FRAS1: variants seen among roughly 807,000 people sequenced by gnomAD.
FRAS1 encodes the protein extracellular matrix organizing protein FRAS1.
Under a neutral mutation model 435.2 loss-of-function variants are expected in FRAS1, and 290 were observed. That is an observed-to-expected ratio of 0.67 (90% CI 0.61 to 0.73). FRAS1 has a LOEUF of 0.73. Among genes scored for constraint, FRAS1 ranks in the 30% least tolerant of loss-of-function variants. The pLI, the probability that FRAS1 is intolerant of heterozygous loss-of-function variation, is 0.00. For synonymous variants in FRAS1, 1,800 were observed against 1,851.0 expected, an observed-to-expected ratio of 0.97 and a Z score of 0.71; for missense variants, 4,860 against 5,001.5, an observed-to-expected ratio of 0.97 and a Z score of 0.85.
At chr4:78,449,467 A>G (rs1291414447) in intron 44 of FRAS1, among the ~76,000 whole-genome samples, 1 of 152,160 alleles carries the variant, frequency 6.6e-6, no homozygotes, top group African/African-American at 2.4e-5. Flanking sequence ...CACTCCAAAC[A>G]CCAGGATGTA....
At chr4:78,196,810 G>A (rs1042063126) in intron 2 of FRAS1, among the ~76,000 whole-genome samples, 11 of 152,112 alleles carry the variant, frequency 7.2e-5, no homozygotes, top group South Asian at 4.1e-4. Flanking sequence ...CTTGAGAAAC[G>A]CCAACTTCAA....
chr4:78,291,152 A>G (rs1297290182), intron 14 of FRAS1, among the ~76,000 whole-genome samples: 1 of 152,232 alleles, frequency 6.6e-6, no homozygotes, highest in Non-Finnish European at 1.5e-5. Flanking sequence ...AAACAGGGAC[A>G]TAATATCTGC....
At chr4:78,447,578 A>G (rs1718892276) in intron 43 of FRAS1, among the ~76,000 whole-genome samples, 1 of 152,188 alleles carries the variant, frequency 6.6e-6, no homozygotes, top group Admixed American at 6.5e-5. Flanking sequence ...ACTGCGGTAC[A>G]TGACCCTTGA....
At chr4:78,498,142 G>A (rs2109872649) in intron 60 of FRAS1, among the ~76,000 whole-genome samples, 1 of 152,316 alleles carries the variant, frequency 6.6e-6, no homozygotes, top group African/African-American at 2.4e-5. Flanking sequence ...CCTAATGTAG[G>A]TGATGGGTCG....
intron 6 of FRAS1, among the ~76,000 whole-genome samples, chr4:78,261,174 T>C (rs1726082475): frequency 6.6e-6 from 1 of 152,150 alleles, no homozygotes; most frequent in Non-Finnish European, 1.5e-5. Flanking sequence ...TTGATAATTT[T>C]GCTTTAATTA....
chr4:78,178,529 A>G (rs1250376502), intron 2 of FRAS1, among the ~76,000 whole-genome samples: 1 of 152,244 alleles, frequency 6.6e-6, no homozygotes, highest in Non-Finnish European at 1.5e-5. Flanking sequence ...CATCAACATA[A>G]AAATTCCCCT....
chr4:78,412,856 G>A (rs530470614), intron 31 of FRAS1, 113 bp from the exon 32 acceptor site: 8 of 492,472 alleles, frequency 1.6e-5, no homozygotes, highest in Non-Finnish European at 2.9e-5. Context: ...GAGTTGTAAC[G>A]CAGGAGCATA....
intron 2 of FRAS1, among the ~76,000 whole-genome samples, chr4:78,172,244 C>CGATA (rs1721591059): frequency 6.6e-6 from 1 of 152,020 alleles, no homozygotes; most frequent in African/African-American, 2.4e-5. Context: ...AGTGCACCAA[C>CGATA]GATAGTGAAA....
intron 2 of FRAS1, among the ~76,000 whole-genome samples, chr4:78,114,088 T>C (rs10023940): frequency 0.3 from 46,196 of 151,866 alleles, 7,762 homozygotes; most frequent in African/African-American, 0.44. Context: ...AATAGGGAAT[T>C]CTTTCCCCAT....
At chr4:78,455,055 G>T (rs778294185) in intron 47 of FRAS1, among the ~76,000 whole-genome samples, 8 of 152,016 alleles carry the variant, frequency 5.3e-5, no homozygotes, top group Non-Finnish European at 1.0e-4. Flanking sequence ...TTCTCAATCT[G>T]CCTGCTTCCA....
In FRAS1 at chr4:78,446,962, C is replaced by T. The variant is rs74528465; in HGVS notation, c.6010+82C>T. 5.1e-3 allele frequency: 6,799 copies of T among 1,324,360 alleles called. 271 individuals carry two copies. In the African/African-American group the frequency reaches 0.087, roughly 17 times the overall value. 82.0% of individuals were successfully genotyped at this position (1,324,360 alleles called of 1,614,324 possible). The stretch of plus-strand genomic sequence containing the variant: ...GAATAAACACAAATATTTCAGTTGA[C>T]TATTTCTTTTCTTGTATATGGTACA... On this transcript the variant is annotated intron_variant, in intron 43 of 73. Coordinates refer to ENST00000512123, the MANE Select transcript of FRAS1 (RefSeq NM_025074.7).
intron 64 of FRAS1, 99 bp downstream of exon 64, chr4:78,511,605 G>A (rs1469233548): frequency 4.2e-6 from 4 of 941,912 alleles, no homozygotes; most frequent in Non-Finnish European, 6.7e-6. Context: ...GCTTCTGCAT[G>A]ATAAAAATGT....
chr4:78,521,404 G>A (rs76957624), intron 67 of FRAS1, 119 bp from the exon 68 acceptor site: 96,646 of 632,870 alleles, frequency 0.15, 8,858 homozygotes, highest in Non-Finnish European at 0.2. Flanking sequence ...ATGTTATCTT[G>A]TTACATTCAA....
chr4:78,255,511 G>A (rs1449030800), intron 6 of FRAS1, 136 bp downstream of exon 6: 1 of 841,236 alleles, frequency 1.2e-6, no homozygotes, highest in African/African-American at 1.7e-5. Flanking sequence ...TCATACTTTT[G>A]GAGACCACCT....
intron 63 of FRAS1, 140 bp from the exon 64 acceptor site, chr4:78,511,134 T>TA: frequency 1.4e-6 from 1 of 714,184 alleles, no homozygotes; most frequent in Middle Eastern, 4.1e-4. Context: ...AGTCAATAAT[T>TA]ACGTGATGAA....
chr4:78,283,807 T>C (rs1727444025), intron 12 of FRAS1, among the ~76,000 whole-genome samples: 1 of 152,194 alleles, frequency 6.6e-6, no homozygotes, highest in African/African-American at 2.4e-5. Flanking sequence ...TTTAGCATAT[T>C]ATTATGCACT....
At chr4:78,422,073 C>T in intron 34 of FRAS1, 73 bp downstream of exon 34, 1 of 1,489,606 alleles carries the variant, frequency 6.7e-7, no homozygotes, top group Non-Finnish European at 9.0e-7. Flanking sequence ...CGCCCTAACT[C>T]TCCCTGCAGT....
At chr4:78,472,069 A>G in intron 51 of FRAS1, 111 bp from the exon 52 acceptor site, 5 of 1,105,096 alleles carry the variant, frequency 4.5e-6, no homozygotes, top group Non-Finnish European at 5.4e-6. Flanking sequence ...CTTTCCATGC[A>G]GTAAATACAC....
At chr4:78,127,201 G>A (rs556796010) in intron 2 of FRAS1, among the ~76,000 whole-genome samples, 1 of 152,094 alleles carries the variant, frequency 6.6e-6, no homozygotes, top group Admixed American at 6.5e-5. Context: ...GAGGAATGAA[G>A]AACATATTGG....
Sources: gnomAD v4.1 joint callset for allele counts (sites outside exome capture counted in the v4.1 genomes callset) on GRCh38, gnomAD v4.1.1 for gene constraint, MANE v1.5 for transcripts, NCBI Gene and HGNC (gene_info 2026-07-23, HGNC 2026-07-21) for gene names.